TBCK: variants seen among roughly 807,000 people sequenced by gnomAD.
The protein encoded by TBCK is TBC1 domain containing kinase.
A neutral mutation model predicts 113.4 loss-of-function variants in TBCK; 99 were observed. That is an observed-to-expected ratio of 0.87 (90% CI 0.74 to 1.03). The LOEUF is 1.03. TBCK is among the 50% of genes least tolerant of loss of function. TBCK has a pLI of 0.00. For missense variants in TBCK, 1,045 were observed against 1,061.3 expected (o/e 0.98, Z 0.21); for synonymous variants, 369 against 370.8 (o/e 1.00, Z 0.05).
rs781484322 is a variant in TBCK at position 106,247,295 on chromosome 4, A to G, written c.783-8T>C. ...AATTGATCTGGGGTTGGCCTTGAGA[A>G]CATTTAAAATACAGAGCATGAATGA... On this transcript the variant is annotated splice_region_variant and splice_polypyrimidine_tract_variant and intron_variant, in intron 9 of 25. Transcript: ENST00000394708. 2 of 1,610,194 alleles carry G rather than the reference A, an allele frequency of 1.2e-6. No homozygotes were observed. The highest frequency in any genetic ancestry group is 3.4e-5 in the Admixed American group (2 of 59,690).
chr4:106,095,667 AT>A, intron 24 of TBCK, 26 bp from the exon 25 acceptor site: 1 of 1,607,246 alleles, frequency 6.2e-7, no homozygotes. Context: ...TAAGGAAAAC[AT>A]TTATTTGTGT....
At chr4:106,093,019 GC>G (rs2149513672) in intron 25 of TBCK, among the ~76,000 whole-genome samples, 1 of 152,328 alleles carries the variant, frequency 6.6e-6, no homozygotes, top group South Asian at 2.1e-4. Context: ...GGGACAAATA[GC>G]CAAACCATGT....
intron 25 of TBCK, among the ~76,000 whole-genome samples, chr4:106,047,846 A>G (rs1175049781): frequency 6.6e-6 from 1 of 152,126 alleles, no homozygotes; most frequent in African/African-American, 2.4e-5. Context: ...TCTCTTTGAT[A>G]GTGTCCTATT....
At chr4:106,065,036 A>G (rs1327399598) in intron 25 of TBCK, among the ~76,000 whole-genome samples, 2 of 152,030 alleles carry the variant, frequency 1.3e-5, no homozygotes, top group Admixed American at 6.6e-5. Flanking sequence ...AATGTGGGTA[A>G]TGGTTGCCAT....
At position 106,297,703 on chromosome 4, in the gene TBCK, G is replaced by C. The variant is rs576524566; in HGVS notation, c.194-2537C>G. On this transcript the variant is annotated intron_variant, in intron 2 of 25. Transcript: ENST00000394708. Reference sequence around the variant, plus strand: ...TCTTCCTTCTGGCCTCCTGCCTTAGGACACTTACACATGGGTTCTTATTGC... The same window carrying C: ...TCTTCCTTCTGGCCTCCTGCCTTAGCACACTTACACATGGGTTCTTATTGC... The C allele has an allele frequency of 2.0e-5, 3 of 152,254 alleles. No homozygotes were observed. The East Asian group carries it at 5.8e-4, about 29-fold the overall frequency. The allele number at this position is 152,254 out of a possible 1,614,324, so 9.4% of individuals were successfully genotyped here. A position where few individuals can be genotyped will look rare whatever the true frequency, so the allele number is the denominator to read the frequency against.
intron 19 of TBCK, among the ~76,000 whole-genome samples, chr4:106,215,895 C>A (rs1178899255): frequency 6.6e-6 from 1 of 151,672 alleles, no homozygotes; most frequent in South Asian, 2.1e-4. Flanking sequence ...CTCTCCACCC[C>A]AAATCAACAG....
chr4:106,185,053 G>A (rs181121618), intron 22 of TBCK, among the ~76,000 whole-genome samples: 3 of 151,980 alleles, frequency 2.0e-5, no homozygotes, highest in Non-Finnish European at 4.4e-5. Context: ...ACTTCACGGT[G>A]AATCAGAACA....
intron 23 of TBCK, among the ~76,000 whole-genome samples, chr4:106,151,792 A>G (rs1247528319): frequency 6.6e-6 from 1 of 151,984 alleles, no homozygotes; most frequent in East Asian, 1.9e-4. Flanking sequence ...TTTTCACTGT[A>G]GAGGTCTTTC....
chr4:106,231,837 G>GAT (rs1758887691), intron 17 of TBCK, 58 bp from the exon 18 acceptor site: 2 of 1,417,350 alleles, frequency 1.4e-6, no homozygotes, highest in African/African-American at 1.4e-5. Flanking sequence ...TAGAATTGAA[G>GAT]ATATATACCT....
chr4:106,314,454 CAAG>C (rs1768531538), intron 1 of TBCK, among the ~76,000 whole-genome samples: 2 of 152,100 alleles, frequency 1.3e-5, no homozygotes, highest in Middle Eastern at 6.8e-3. Flanking sequence ...AGGGCTATCT[CAAG>C]AAGTCAACAA....
At chr4:106,252,251 T>C (rs1761518171) in intron 5 of TBCK, among the ~76,000 whole-genome samples, 1 of 152,112 alleles carries the variant, frequency 6.6e-6, no homozygotes, top group South Asian at 2.1e-4. Flanking sequence ...TTAGCTCCTT[T>C]ATTTGCTTCT....
intron 22 of TBCK, among the ~76,000 whole-genome samples, chr4:106,188,968 C>T (rs1753349311): frequency 6.6e-6 from 1 of 151,948 alleles, no homozygotes; most frequent in African/African-American, 2.4e-5. Context: ...TTAAATTTTC[C>T]CCTTTTCCAT....
rs577910404 is a variant in TBCK, at chr4:106,255,496, T to G, written c.456-3489A>C. ...GGTGCTGGCATAGGCACTGGCTTCCTGCAAGGCTGTGGTTGGACCAGGTGC... is the reference window on the plus strand; with the variant it reads ...GGTGCTGGCATAGGCACTGGCTTCCGGCAAGGCTGTGGTTGGACCAGGTGC... On this transcript the variant is annotated intron_variant, in intron 5 of 25. Coordinates refer to ENST00000394708, the MANE Select transcript of TBCK (RefSeq NM_001163435.3). 1.1e-4 allele frequency among the ~76,000 whole-genome samples: 17 copies of G among 152,324 alleles called. No individual in the cohort carries two copies. The South Asian group carries it at 3.3e-3, about 30-fold the overall frequency.
At chr4:106,294,541 G>T (rs1766070484) in intron 3 of TBCK, among the ~76,000 whole-genome samples, 1 of 151,912 alleles carries the variant, frequency 6.6e-6, no homozygotes, top group South Asian at 2.1e-4. Flanking sequence ...GAGTGCGGTG[G>T]TGCAATCTCG....
intron 23 of TBCK, among the ~76,000 whole-genome samples, chr4:106,126,734 A>C (rs986321765): frequency 6.6e-6 from 1 of 152,244 alleles, no homozygotes; most frequent in African/African-American, 2.4e-5. Context: ...CAAACTCTTC[A>C]GGGATGGCAA....
intron 3 of TBCK, among the ~76,000 whole-genome samples, chr4:106,289,551 A>G (rs1453602651): frequency 6.6e-6 from 1 of 152,016 alleles, no homozygotes; most frequent in Admixed American, 6.6e-5. Context: ...CGGGCAGATC[A>G]TGAGGTCAGG....
intron 20 of TBCK, among the ~76,000 whole-genome samples, chr4:106,205,892 G>C (rs1755445706): frequency 6.6e-6 from 1 of 151,876 alleles, no homozygotes; most frequent in Non-Finnish European, 1.5e-5. Context: ...CAAGTAAAAA[G>C]ATTATAAAAA....
chr4:106,279,940 T>A (rs1176315178), intron 3 of TBCK, among the ~76,000 whole-genome samples: 2 of 152,168 alleles, frequency 1.3e-5, no homozygotes, highest in African/African-American at 4.8e-5. Flanking sequence ...TTCTTTTGGG[T>A]ATATACCTAG....
intron 23 of TBCK, among the ~76,000 whole-genome samples, chr4:106,146,209 T>TATACATATACATATACATGTA (rs1747781393): frequency 6.7e-6 from 1 of 148,372 alleles, no homozygotes; most frequent in Non-Finnish European, 1.5e-5. Context: ...ATGTAATACA[T>TATACATATACATATACATGTA]ATACATATAC....
Sources: allele counts gnomAD v4.1 joint callset (sites outside exome capture counted in the v4.1 genomes callset), GRCh38; gene constraint gnomAD v4.1.1; transcripts MANE v1.5; gene names NCBI Gene and HGNC (gene_info 2026-07-23, HGNC 2026-07-21).